Variants in GM2A observed in about 807,000 individuals in gnomAD.
The protein encoded by GM2A is GM2 ganglioside activator.
In GM2A, 7 loss-of-function variants were observed where a neutral mutation model predicts 12.9. The observed-to-expected ratio is 0.54, with a 90% CI of 0.31 to 1.02. The LOEUF (loss-of-function observed/expected upper bound fraction) is 1.02, where lower values mean the gene tolerates loss of function less well. Among genes scored for constraint, GM2A ranks in the 50% least tolerant of loss-of-function variants. The probability of loss-of-function intolerance (pLI) is 0.05; values close to 1 mark genes in which losing one functional copy is unlikely to be tolerated. For missense variants in GM2A, 246 were observed against 241.0 expected (o/e 1.02, Z -0.14); for synonymous variants, 101 against 96.0 (o/e 1.05, Z -0.30).
intron 3 of GM2A, 125 bp downstream of exon 3, chr5:151,267,038 A>G (rs1561620248): frequency 3.3e-6 from 3 of 911,036 alleles, no homozygotes; most frequent in Middle Eastern, 2.4e-4. Context: ...AGTGTGACCT[A>G]TCAGGAATCA....
In GM2A at chr5:151,267,625, A is replaced by C; in HGVS notation, c.*174A>C. 1 of 1,521,326 alleles carries C rather than the reference A, an allele frequency of 6.6e-7. No homozygotes were observed. Among genetic ancestry groups the C allele is most frequent in the Non-Finnish European group, 8.8e-7 (1 of 1,137,124 alleles). 94.2% of individuals were successfully genotyped at this position (1,521,326 alleles called of 1,614,324 possible). ...ACCACTTACATTTTAGGCTGGGGCA[A>C]GCAGCCCTGACCTAAGGGAGAATGA... is the stretch of plus-strand genomic sequence containing the variant. On this transcript the variant is annotated 3_prime_UTR_variant, in exon 4 of 4. Transcript: ENST00000357164.
In GM2A at chr5:151,268,138, C is replaced by G. The variant is rs143552628; in HGVS notation, c.*687C>G. The G allele has an allele frequency of 1.0e-6, 1 of 981,098 alleles. No individual in the cohort carries two copies. The highest frequency in any genetic ancestry group is 1.8e-5 in the African/African-American group (1 of 55,254). The allele number at this position is 981,098 out of a possible 1,614,324, so 60.8% of individuals were successfully genotyped here. A position where few individuals can be genotyped will look rare whatever the true frequency, so the allele number is the denominator to read the frequency against. On this transcript the variant is annotated 3_prime_UTR_variant, in exon 4 of 4. Coordinates refer to ENST00000357164, the MANE Select transcript of GM2A (RefSeq NM_000405.5). ...AAGAACCGTGAGAAACATGTTGCTT[C>G]CAGGCTTGATTTCGATTTTTCGCTT... is the stretch of plus-strand genomic sequence containing the variant.
chr5:151,259,749 C>T lies in GM2A; in HGVS notation c.82-6C>T, dbSNP rs1312699496. ...TTCTCCTTCCTTGCTGCCTGATTGT[C>T]CCCAGCCATCCCAGCTCAGTAGCTT... On this transcript the variant is annotated splice_region_variant and splice_polypyrimidine_tract_variant and intron_variant, in intron 1 of 3. Coordinates refer to ENST00000357164, the MANE Select transcript of GM2A (RefSeq NM_000405.5). 1.9e-6 allele frequency: 3 copies of T among 1,613,152 alleles called. No individual in the cohort carries two copies. The highest frequency in any genetic ancestry group is 2.5e-6 in the Non-Finnish European group (3 of 1,179,144).
rs577565833 is a variant in GM2A at position 151,269,476 on chromosome 5, G to C, written c.*2025G>C. The C allele has an allele frequency of 9.2e-6, 9 of 983,436 alleles. No individual in the cohort carries two copies. In the South Asian group the frequency reaches 3.3e-4, roughly 36 times the overall value. The allele number at this position is 983,436 out of a possible 1,614,324, so 60.9% of individuals were successfully genotyped here. A position where few individuals can be genotyped will look rare whatever the true frequency, so the allele number is the denominator to read the frequency against. On this transcript the variant is annotated 3_prime_UTR_variant, in exon 4 of 4. Coordinates refer to ENST00000357164, the MANE Select transcript of GM2A (RefSeq NM_000405.5). ...CTTTCCATCACATCATGACTGCGGAGAGCAAAAATCACCTAGTGACCATTG... is the reference window on the plus strand; with the variant it reads ...CTTTCCATCACATCATGACTGCGGACAGCAAAAATCACCTAGTGACCATTG...
At chr5:151,259,721 T>C (rs1342302024) in intron 1 of GM2A, 34 bp from the exon 2 acceptor site, 1 of 1,606,492 alleles carries the variant, frequency 6.2e-7, no homozygotes. Context: ...AACCTTTTTC[T>C]TCTTCTCCTT....
intron 2 of GM2A, among the ~76,000 whole-genome samples, chr5:151,264,662 G>A (rs950062079): frequency 6.6e-6 from 1 of 152,150 alleles, no homozygotes; most frequent in African/African-American, 2.4e-5. Context: ...AGAGAGGTAG[G>A]CACTCTAAAA....
intron 2 of GM2A, among the ~76,000 whole-genome samples, chr5:151,261,305 G>A (rs766791881): frequency 5.3e-5 from 8 of 151,974 alleles, no homozygotes; most frequent in East Asian, 1.9e-4. Context: ...GATTATAGGC[G>A]TGAGCCACCT....
intron 1 of GM2A, among the ~76,000 whole-genome samples, chr5:151,253,812 C>A (rs1346341887): frequency 6.6e-6 from 1 of 152,130 alleles, no homozygotes. Flanking sequence ...TGGTTATGAG[C>A]CACTGAGACA....
At chr5:151,256,608 G>GAAAAAAAA (rs60009533) in intron 1 of GM2A, among the ~76,000 whole-genome samples, 1 of 121,650 alleles carries the variant, frequency 8.2e-6, no homozygotes, top group Non-Finnish European at 1.7e-5. Context: ...TCTGTCTCAA[G>GAAAAAAAA]AAAAAAAAAA....
At position 151,269,456 on chromosome 5, in the gene GM2A, C is replaced by T. The variant is rs944545681; in HGVS notation, c.*2005C>T. The T allele has an allele frequency of 4.1e-6, 4 of 985,270 alleles. No homozygotes were observed. The highest frequency in any genetic ancestry group is 4.8e-6 in the Non-Finnish European group (4 of 829,852). The allele number at this position is 985,270 out of a possible 1,614,324, so 61.0% of individuals were successfully genotyped here. A position where few individuals can be genotyped will look rare whatever the true frequency, so the allele number is the denominator to read the frequency against. On this transcript the variant is annotated 3_prime_UTR_variant, in exon 4 of 4. Transcript: ENST00000357164. The stretch of plus-strand genomic sequence containing the variant: ...CTCCCTTGTTTGCTATTTTGCTTTC[C>T]ATCACATCATGACTGCGGAGAGCAA...
At chr5:151,261,879 G>GT (rs1008683997) in intron 2 of GM2A, among the ~76,000 whole-genome samples, 23 of 152,116 alleles carry the variant, frequency 1.5e-4, no homozygotes, top group Admixed American at 3.9e-4. Context: ...TGGCCAGAGG[G>GT]TTTTTTTTGT....
chr5:151,257,222 G>A (rs919766073), intron 1 of GM2A, among the ~76,000 whole-genome samples: 1 of 152,086 alleles, frequency 6.6e-6, no homozygotes, highest in African/African-American at 2.4e-5. Context: ...GCCTTGGTGG[G>A]CACTGCTAAT....
Position 151,268,363 on chromosome 5 carries a change from C to T in GM2A, c.*912C>T. On this transcript the variant is annotated 3_prime_UTR_variant, in exon 4 of 4. Transcript: ENST00000357164. Reference sequence around the variant, plus strand: ...AGAGATGGGGTTTCACCATGTTGGCCAGGATGGTCTCGATCTCTTGACCTC... The same window carrying T: ...AGAGATGGGGTTTCACCATGTTGGCTAGGATGGTCTCGATCTCTTGACCTC... 1.7e-6 allele frequency: 1 copy of T among 582,458 alleles called. No individual in the cohort carries two copies. The highest frequency in any genetic ancestry group is 2.2e-6 in the Non-Finnish European group (1 of 462,170). The allele number at this position is 582,458 out of a possible 1,614,324, so 36.1% of individuals were successfully genotyped here.
intron 2 of GM2A, among the ~76,000 whole-genome samples, 191 bp downstream of exon 2, chr5:151,260,107 T>C (rs1753768626): frequency 6.6e-6 from 1 of 152,202 alleles, no homozygotes; most frequent in Non-Finnish European, 1.5e-5. Context: ...GAAAGGAATC[T>C]CTGATGTCAG....
rs201829650 is a variant in GM2A at position 151,259,851 on chromosome 5, G to C, written c.178G>C (p.Val60Leu). The change falls in exon 2 of 4, where the codon GTT (valine) becomes CTT (leucine). Residue 60 changes from valine (V) to leucine (L), a missense_variant. Transcript: ENST00000357164. ...SLTLEPDPII[V>L]PGNVTLSVMG... is the part of the protein sequence containing the mutation. ...GACTCTGGAGCCTGACCCCATCATC[G>C]TTCCTGGAAATGTGACCCTCAGTGT... 2 of 1,613,520 alleles carry C rather than the reference G, an allele frequency of 1.2e-6. No individual in the cohort carries two copies. Among genetic ancestry groups the C allele is most frequent in the South Asian group, 1.1e-5 (1 of 91,074 alleles).
At chr5:151,259,491 G>T (rs1474019656) in intron 1 of GM2A, among the ~76,000 whole-genome samples, 3 of 152,128 alleles carry the variant, frequency 2.0e-5, no homozygotes, top group Non-Finnish European at 2.9e-5. Context: ...GAAGTTCCAG[G>T]TCTATCATAT....
intron 2 of GM2A, among the ~76,000 whole-genome samples, chr5:151,266,202 A>G (rs1023149716): frequency 4.6e-5 from 7 of 152,166 alleles, no homozygotes. Context: ...CTATGGACTG[A>G]GCATGATGGC....
At position 151,267,798 on chromosome 5, in the gene GM2A, ACT is replaced by A. The variant is rs1753923207; in HGVS notation, c.*356_*357del. The A allele has an allele frequency of 1.1e-4, 136 of 1,189,480 alleles. 1 individual carries two copies. The South Asian group carries it at 2.0e-3, about 17-fold the overall frequency. 73.7% of individuals were successfully genotyped at this position (1,189,480 alleles called of 1,614,324 possible). ...TTTTAGGACCTGAAGAATCTTTATG[ACT>A]CTCTCTCTTTCACTCTTTTTTTTTT... is the stretch of plus-strand genomic sequence containing the variant. On this transcript the variant is annotated 3_prime_UTR_variant, in exon 4 of 4. Transcript: ENST00000357164.
intron 2 of GM2A, among the ~76,000 whole-genome samples, chr5:151,265,130 T>C (rs532472815): frequency 6.6e-6 from 1 of 152,084 alleles, no homozygotes; most frequent in East Asian, 1.9e-4. Flanking sequence ...GCAGGTTTGA[T>C]GAGAGAGAGG....
Sources: allele counts gnomAD v4.1 joint callset (sites outside exome capture counted in the v4.1 genomes callset), GRCh38; gene constraint gnomAD v4.1.1; transcripts MANE v1.5; gene names NCBI Gene and HGNC (gene_info 2026-07-23, HGNC 2026-07-21).